The following ADAM12 variants were observed in gnomAD, a reference collection of about 807,000 sequenced individuals.
ADAM12 encodes ADAM metallopeptidase domain 12, also known as disintegrin and metalloproteinase domain-containing protein 12.
Under a neutral mutation model 106.4 loss-of-function variants are expected in ADAM12, and 70 were observed. That is an observed-to-expected ratio of 0.66 (90% CI 0.54 to 0.80). The LOEUF (loss-of-function observed/expected upper bound fraction) is 0.80. Among genes scored for constraint, ADAM12 ranks in the 30% least tolerant of loss-of-function variants. The probability of loss-of-function intolerance (pLI) is 0.00; values close to 1 mark genes in which losing one functional copy is unlikely to be tolerated. For synonymous variants in ADAM12, 420 were observed against 433.5 expected, an observed-to-expected ratio of 0.97 and a Z score of 0.39; for missense variants, 1,010 against 1,171.9, an observed-to-expected ratio of 0.86 and a Z score of 2.02.
chr10:126,319,213 G>A (rs529001704), intron 2 of ADAM12, among the ~76,000 whole-genome samples: 19 of 152,194 alleles, frequency 1.2e-4, no homozygotes, highest in African/African-American at 2.6e-4. Flanking sequence ...CAGCTACCTC[G>A]CCATCCAGGG....
chr10:126,230,775 T>C (rs1005644105), intron 3 of ADAM12, among the ~76,000 whole-genome samples: 1 of 152,270 alleles, frequency 6.6e-6, no homozygotes, highest in Non-Finnish European at 1.5e-5. Flanking sequence ...ACTATATTTA[T>C]GCTGCCAATA....
At chr10:126,110,165 C>A (rs371557335) in intron 6 of ADAM12, among the ~76,000 whole-genome samples, 37 of 152,240 alleles carry the variant, frequency 2.4e-4, no homozygotes, top group East Asian at 2.1e-3. Context: ...CCAAAGCACT[C>A]TCTAGAACAG....
At chr10:126,204,259 G>C (rs1421807894) in intron 3 of ADAM12, among the ~76,000 whole-genome samples, 1 of 152,202 alleles carries the variant, frequency 6.6e-6, no homozygotes, top group Non-Finnish European at 1.5e-5. Context: ...TAATACAAGG[G>C]AGGAAACATG....
intron 2 of ADAM12, among the ~76,000 whole-genome samples, chr10:126,294,811 G>A (rs1473815872): frequency 6.6e-6 from 1 of 152,024 alleles, no homozygotes; most frequent in African/African-American, 2.4e-5. Context: ...TCTTTTATTT[G>A]TAATGATTTC....
chr10:126,318,196 A>G (rs1471124789), intron 2 of ADAM12, among the ~76,000 whole-genome samples: 1 of 152,094 alleles, frequency 6.6e-6, no homozygotes, highest in East Asian at 1.9e-4. Context: ...AGGAAGTGCT[A>G]GAACACACAC....
At chr10:126,121,715 A>C (rs1956119517) in intron 5 of ADAM12, among the ~76,000 whole-genome samples, 1 of 151,842 alleles carries the variant, frequency 6.6e-6, no homozygotes, top group South Asian at 2.1e-4. Context: ...TATGTCATTC[A>C]TTACTGCTTA....
At chr10:126,105,627 G>A (rs1955751569) in intron 8 of ADAM12, among the ~76,000 whole-genome samples, 1 of 152,210 alleles carries the variant, frequency 6.6e-6, no homozygotes, top group African/African-American at 2.4e-5. Flanking sequence ...CCTGGGCCAA[G>A]GTGTGGGAAT....
chr10:126,100,164 T>C (rs1270248279), intron 9 of ADAM12, among the ~76,000 whole-genome samples: 1 of 151,826 alleles, frequency 6.6e-6, no homozygotes, highest in Non-Finnish European at 1.5e-5. Context: ...CACCACTGTG[T>C]TCAAAGCCCC....
intron 2 of ADAM12, among the ~76,000 whole-genome samples, chr10:126,280,895 A>C (rs903565797): frequency 3.3e-5 from 5 of 151,968 alleles, no homozygotes; most frequent in Non-Finnish European, 4.4e-5. Flanking sequence ...GTTTATAAGA[A>C]CTGTGTGCAT....
intron 1 of ADAM12, among the ~76,000 whole-genome samples, chr10:126,357,722 A>T (rs1200754735): frequency 6.6e-6 from 1 of 152,074 alleles, no homozygotes; most frequent in Non-Finnish European, 1.5e-5. Flanking sequence ...TTATAAAAAG[A>T]CCCATCAGAT....
At chr10:126,172,349 G>C (rs1441753821) in intron 3 of ADAM12, among the ~76,000 whole-genome samples, 1 of 152,190 alleles carries the variant, frequency 6.6e-6, no homozygotes, top group Non-Finnish European at 1.5e-5. Flanking sequence ...AGAGGGTCCT[G>C]AGGAATCATT....
At chr10:126,251,615 T>TGGACGGGATGGATAGGATGGAC (rs1468829468) in intron 3 of ADAM12, among the ~76,000 whole-genome samples, 2 of 140,110 alleles carry the variant, frequency 1.4e-5, no homozygotes, top group Admixed American at 7.2e-5. Context: ...GATGGATGCA[T>TGGACGGGATGGATAGGATGGAC]GGATAGATGA....
chr10:126,037,431 C>T (rs1193920506), intron 20 of ADAM12, among the ~76,000 whole-genome samples: 1 of 152,144 alleles, frequency 6.6e-6, no homozygotes, highest in East Asian at 1.9e-4. Flanking sequence ...GCAGCCTCCT[C>T]CTTGGAGCCC....
rs1406044598 is a variant in ADAM12 at position 126,017,005 on chromosome 10, C to G, written c.*274G>C. On this transcript the variant is annotated 3_prime_UTR_variant, in exon 23 of 23. Coordinates refer to ENST00000448723, the MANE Select transcript of ADAM12 (RefSeq NM_001288973.2). ...AAATACTAAAAGCACAACAAGCCTTCCTGCCATGGAAAACTCAGTGATGGT... is the reference window on the plus strand; with the variant it reads ...AAATACTAAAAGCACAACAAGCCTTGCTGCCATGGAAAACTCAGTGATGGT... 1 of 334,934 alleles carries G rather than the reference C, an allele frequency of 3.0e-6. No homozygotes were observed. The highest frequency in any genetic ancestry group is 5.4e-6 in the Non-Finnish European group (1 of 185,496). 20.7% of individuals were successfully genotyped at this position (334,934 alleles called of 1,614,324 possible). A position where few individuals can be genotyped will look rare whatever the true frequency, so the allele number is the denominator to read the frequency against.
intron 14 of ADAM12, among the ~76,000 whole-genome samples, chr10:126,054,391 C>T (rs1248100629): frequency 2.0e-5 from 3 of 152,344 alleles, no homozygotes; most frequent in South Asian, 2.1e-4. Context: ...GGATGATGAG[C>T]GCCAAAGCGC....
At chr10:126,098,052 G>A (rs1290847352) in intron 10 of ADAM12, among the ~76,000 whole-genome samples, 1 of 152,188 alleles carries the variant, frequency 6.6e-6, no homozygotes, top group African/African-American at 2.4e-5. Context: ...GGGAACGTCT[G>A]GTGAGACCAC....
chr10:126,295,130 A>G (rs1177093071), intron 2 of ADAM12, among the ~76,000 whole-genome samples: 20 of 151,986 alleles, frequency 1.3e-4, no homozygotes, highest in Admixed American at 1.3e-3. Context: ...GGAAACTATA[A>G]CTCATTTTTT....
intron 11 of ADAM12, among the ~76,000 whole-genome samples, chr10:126,086,675 A>T (rs1192681088): frequency 1.7e-4 from 9 of 52,986 alleles, no homozygotes; most frequent in Non-Finnish European, 2.3e-4. Context: ...AAAAAAAAAA[A>T]AAAAAATATA....
At chr10:126,084,426 G>C (rs1300397809) in intron 11 of ADAM12, among the ~76,000 whole-genome samples, 1 of 152,146 alleles carries the variant, frequency 6.6e-6, no homozygotes, top group African/African-American at 2.4e-5. Flanking sequence ...TTTGTGTGGG[G>C]GTTGTTGGAG....
Sources: allele counts gnomAD v4.1 joint callset (sites outside exome capture counted in the v4.1 genomes callset), GRCh38; gene constraint gnomAD v4.1.1; transcripts MANE v1.5; gene names NCBI Gene and HGNC (gene_info 2026-07-23, HGNC 2026-07-21).